Variants in DRC9 observed in about 807,000 individuals in gnomAD.
The protein encoded by DRC9 is dynein regulatory complex subunit 9.
At chr3:197,951,474 TCC>T in the DRC9 span, 2 of 728,566 alleles carry the variant, frequency 2.7e-6, no homozygotes, top group Non-Finnish European at 4.7e-6. Flanking sequence ...TGTCTCAGCC[TCC>T]CGAGTAGCTG....
chr3:197,892,804 A>G, the DRC9 span: 4 of 1,609,890 alleles, frequency 2.5e-6, no homozygotes, highest in African/African-American at 5.3e-5. Flanking sequence ...CAGACACAAA[A>G]CGCTGTATAC....
chr3:197,890,732 A>G, the DRC9 span, among the ~76,000 whole-genome samples: 1 of 152,226 alleles, frequency 6.6e-6, no homozygotes, highest in African/African-American at 2.4e-5. Context: ...TTGAAACTTG[A>G]TAAATACTTG....
chr3:197,912,826 C>T, the DRC9 span: 41 of 1,198,318 alleles, frequency 3.4e-5, no homozygotes, highest in South Asian at 5.0e-4. Context: ...AGAGCAGCAG[C>T]TCGGTCGGTA....
At chr3:197,954,120 T>A in the DRC9 span, 1 of 1,614,208 alleles carries the variant, frequency 6.2e-7, no homozygotes, top group Non-Finnish European at 8.5e-7. Context: ...ATCTTCCTGC[T>A]AAGGCCATTG....
the DRC9 span, chr3:197,951,535 T>C: frequency 1.9e-6 from 1 of 522,428 alleles, no homozygotes; most frequent in South Asian, 2.0e-5. Flanking sequence ...GTATTATTAG[T>C]AGAGACAGGG....
the DRC9 span, chr3:197,912,719 G>T: frequency 1.9e-6 from 3 of 1,613,806 alleles, no homozygotes; most frequent in Non-Finnish European, 2.5e-6. Context: ...GTATGAGTCC[G>T]GGCCTCTTCT....
the DRC9 span, among the ~76,000 whole-genome samples, chr3:197,910,200 T>C: frequency 6.6e-6 from 1 of 152,072 alleles, no homozygotes; most frequent in Non-Finnish European, 1.5e-5. Flanking sequence ...CTCAGGAGGC[T>C]GAGGTGGGAG....
the DRC9 span, chr3:197,956,019 AGT>A: frequency 2.0e-6 from 1 of 500,816 alleles, no homozygotes; most frequent in Non-Finnish European, 3.6e-6. Flanking sequence ...CCCATGCTGG[AGT>A]GTAGTGGTGC....
the DRC9 span, among the ~76,000 whole-genome samples, chr3:197,940,284 C>A: frequency 6.7e-6 from 1 of 149,484 alleles, no homozygotes; most frequent in Non-Finnish European, 1.5e-5. Flanking sequence ...GCGTGAGCCA[C>A]CGTGCCTGGC....
At chr3:197,896,171 C>T in the DRC9 span, among the ~76,000 whole-genome samples, 12 of 151,844 alleles carry the variant, frequency 7.9e-5, no homozygotes, top group South Asian at 2.1e-4. Flanking sequence ...GGAGAAACCC[C>T]GTCTCTACTA....
the DRC9 span, among the ~76,000 whole-genome samples, chr3:197,947,504 T>G: frequency 1.3e-5 from 2 of 152,208 alleles, no homozygotes; most frequent in African/African-American, 4.8e-5. Context: ...CTTCTTTCAG[T>G]TCTTCTCTGG....
chr3:197,952,836 CTTTT>C, the DRC9 span, among the ~76,000 whole-genome samples: 1 of 144,224 alleles, frequency 6.9e-6, no homozygotes, highest in East Asian at 2.0e-4. Flanking sequence ...ATGCTGTAGA[CTTTT>C]TTTTTTTTTT....
chr3:197,956,624 G>GTTTTTTGTTT, the DRC9 span: 5 of 135,190 alleles, frequency 3.7e-5, no homozygotes, highest in African/African-American at 1.4e-4. Context: ...TTGCTGTATG[G>GTTTTTTGTTT]TTTTTTTTTT....
At chr3:197,916,613 G>A in the DRC9 span, among the ~76,000 whole-genome samples, 15 of 151,860 alleles carry the variant, frequency 9.9e-5, no homozygotes, top group Admixed American at 4.6e-4. Context: ...AGGGTCCACC[G>A]TGTCCCCCAG....
At chr3:197,950,779 C>T in the DRC9 span, 3 of 653,086 alleles carry the variant, frequency 4.6e-6, no homozygotes, top group Non-Finnish European at 8.0e-6. Flanking sequence ...TCTTGCCGGA[C>T]CCTGCGTTTC....
At chr3:197,932,341 A>C in the DRC9 span, 4 of 1,581,378 alleles carry the variant, frequency 2.5e-6, no homozygotes, top group Non-Finnish European at 3.5e-6. Flanking sequence ...TGAGTTAATA[A>C]ATTCTATTTT....
the DRC9 span, among the ~76,000 whole-genome samples, chr3:197,941,117 T>G: frequency 6.6e-6 from 1 of 151,870 alleles, no homozygotes; most frequent in African/African-American, 2.4e-5. Flanking sequence ...TGCCTTCCCA[T>G]TTGTTTGTCC....
At chr3:197,905,226 C>T in the DRC9 span, among the ~76,000 whole-genome samples, 4 of 152,064 alleles carry the variant, frequency 2.6e-5, no homozygotes, top group South Asian at 2.1e-4. Context: ...GAACCAAACG[C>T]GTGTAATGAG....
At chr3:197,922,402 G>A in the DRC9 span, among the ~76,000 whole-genome samples, 1 of 152,068 alleles carries the variant, frequency 6.6e-6, no homozygotes, top group South Asian at 2.1e-4. Flanking sequence ...GGCTTAAAAG[G>A]AGACTAATAT....
Sources: allele counts gnomAD v4.1 joint callset (sites outside exome capture counted in the v4.1 genomes callset), GRCh38; gene constraint gnomAD v4.1.1; transcripts MANE v1.5; gene names NCBI Gene and HGNC (gene_info 2026-07-23, HGNC 2026-07-21).